TRPC4: variants seen among roughly 807,000 people sequenced by gnomAD.
TRPC4 encodes the protein transient receptor potential cation channel subfamily C member 4.
A neutral mutation model predicts 99.4 loss-of-function variants in TRPC4; 49 were observed. The observed-to-expected ratio is 0.49, with a 90% CI of 0.39 to 0.63. TRPC4 has a LOEUF of 0.63. TRPC4 is among the 20% of genes least tolerant of loss of function. The pLI, the probability that TRPC4 is intolerant of heterozygous loss-of-function variation, is 0.00. For missense variants in TRPC4, 898 were observed against 1,152.9 expected, an observed-to-expected ratio of 0.78 and a Z score of 3.20; for synonymous variants, 454 against 425.9, an observed-to-expected ratio of 1.07 and a Z score of -0.81.
chr13:37,696,339 A>T (rs973787261), intron 3 of TRPC4, among the ~76,000 whole-genome samples: 1 of 152,162 alleles, frequency 6.6e-6, no homozygotes, highest in Non-Finnish European at 1.5e-5. Context: ...CATATCAACT[A>T]TCTAGAAAAG....
chr13:37,823,969 C>T (rs1958114469), intron 1 of TRPC4, among the ~76,000 whole-genome samples: 1 of 142,652 alleles, frequency 7.0e-6, no homozygotes, highest in African/African-American at 2.6e-5. Flanking sequence ...TTGTAGTTCT[C>T]CTTGAAGAGG....
At chr13:37,810,664 GA>G (rs1235095547) in intron 1 of TRPC4, among the ~76,000 whole-genome samples, 1 of 151,986 alleles carries the variant, frequency 6.6e-6, no homozygotes, top group Non-Finnish European at 1.5e-5. Flanking sequence ...GACAACAATT[GA>G]AAATTAAAAT....
At chr13:37,740,586 TGTAA>T (rs1443260367) in intron 3 of TRPC4, among the ~76,000 whole-genome samples, 1 of 152,150 alleles carries the variant, frequency 6.6e-6, no homozygotes, top group Non-Finnish European at 1.5e-5. Flanking sequence ...TGCTATGCAC[TGTAA>T]CTCTCACCCG....
At chr13:37,788,080 C>G (rs565488044) in intron 1 of TRPC4, among the ~76,000 whole-genome samples, 2 of 152,128 alleles carry the variant, frequency 1.3e-5, no homozygotes, top group South Asian at 4.1e-4. Flanking sequence ...TGAAACTCCA[C>G]CCTGAGAGTT....
At chr13:37,674,192 A>G in intron 5 of TRPC4, 36 bp downstream of exon 5, 15 of 1,537,852 alleles carry the variant, frequency 9.8e-6, no homozygotes, top group Non-Finnish European at 1.3e-5. Context: ...TAATAATCAG[A>G]ACATATGCTT....
At chr13:37,835,455 A>G (rs961601271) in intron 1 of TRPC4, among the ~76,000 whole-genome samples, 2 of 152,176 alleles carry the variant, frequency 1.3e-5, no homozygotes, top group African/African-American at 2.4e-5. Context: ...TTGCTCTTGC[A>G]TCTTTATGAT....
intron 1 of TRPC4, among the ~76,000 whole-genome samples, chr13:37,812,197 C>CAAAAAAAAAAAAAAAAAAAAA (rs1156963631): frequency 5.9e-4 from 66 of 111,182 alleles, no homozygotes; most frequent in East Asian, 4.5e-3. Context: ...AAAAAAAAAC[C>CAAAAAAAAAAAAAAAAAAAAA]AGGAGATCTA....
chr13:37,764,475 T>TTCC (rs55927073), intron 2 of TRPC4, among the ~76,000 whole-genome samples: 3 of 151,202 alleles, frequency 2.0e-5, no homozygotes, highest in Admixed American at 1.3e-4. Flanking sequence ...TTACAATAAT[T>TTCC]TGTAGATGAT....
chr13:37,816,985 C>A, intron 1 of TRPC4, among the ~76,000 whole-genome samples: 1 of 152,018 alleles, frequency 6.6e-6, no homozygotes, highest in Admixed American at 6.6e-5. Flanking sequence ...CTTCTCTCAC[C>A]ACTCTTATTC....
chr13:37,722,458 A>C (rs1954903772), intron 3 of TRPC4, among the ~76,000 whole-genome samples: 1 of 152,226 alleles, frequency 6.6e-6, no homozygotes, highest in African/African-American at 2.4e-5. Context: ...ACTGGTAAAC[A>C]TCCCTTATGA....
chr13:37,848,888 C>T (rs572654657), intron 1 of TRPC4, among the ~76,000 whole-genome samples: 1 of 152,186 alleles, frequency 6.6e-6, no homozygotes, highest in Admixed American at 6.5e-5. Context: ...ATGAGGTGAT[C>T]TTTTGGGGCT....
At chr13:37,698,895 G>T (rs1267675740) in intron 3 of TRPC4, among the ~76,000 whole-genome samples, 2 of 152,092 alleles carry the variant, frequency 1.3e-5, no homozygotes, top group African/African-American at 4.8e-5. Flanking sequence ...AAAAAAGGAA[G>T]AAAATACCTA....
chr13:37,841,633 C>T (rs1056060442), intron 1 of TRPC4, among the ~76,000 whole-genome samples: 4 of 151,508 alleles, frequency 2.6e-5, no homozygotes, highest in Admixed American at 6.6e-5. Flanking sequence ...CAAATAAGCA[C>T]ATGAAAAGAT....
chr13:37,821,848 CTG>C (rs993326080), intron 1 of TRPC4, among the ~76,000 whole-genome samples: 13 of 152,236 alleles, frequency 8.5e-5, no homozygotes, highest in African/African-American at 1.4e-4. Flanking sequence ...AAACCCAAAA[CTG>C]TAAAAATCCT....
intron 3 of TRPC4, among the ~76,000 whole-genome samples, chr13:37,713,076 G>GT (rs1343491330): frequency 6.6e-6 from 1 of 152,092 alleles, no homozygotes; most frequent in Non-Finnish European, 1.5e-5. Flanking sequence ...TCAACCTTTT[G>GT]TTTTTTCAAC....
rs1210059174 is a variant in TRPC4 at position 37,783,002 on chromosome 13, G to A, written c.332C>T (p.Ala111Val). The change falls in exon 2 of 11, where the codon GCT becomes GTT. Residue 111 changes from alanine (A) to valine (V), a missense_variant. Physicochemically the swap from Ala to Val is moderately conservative, Grantham distance 64. Transcript: ENST00000379705. ...TTTGTGGTTCAATAACAGCTCAACA[G>A]CTCCGACGACTTCTTTTCTGATAGC... Reference protein sequence around the residue: ...LHAIRKEVVGAVELLLNHKKP... With the variant: ...LHAIRKEVVGVVELLLNHKKP... The A allele has an allele frequency of 6.2e-7, 1 of 1,604,952 alleles. No individual in the cohort carries two copies. Among genetic ancestry groups the A allele is most frequent in the Non-Finnish European group, 8.5e-7 (1 of 1,175,616 alleles).
Position 37,763,633 on chromosome 13 carries a change from C to T in TRPC4, c.379-17178G>A, listed in dbSNP as rs371961258. On this transcript the variant is annotated intron_variant, in intron 2 of 10. Coordinates refer to ENST00000379705, the MANE Select transcript of TRPC4 (RefSeq NM_016179.4). Reference sequence around the variant, plus strand: ...CCCTCTCTGGCCACCTGAGTACAAGCATACAATAGGCAGAGATTGGACTAA... The same window carrying T: ...CCCTCTCTGGCCACCTGAGTACAAGTATACAATAGGCAGAGATTGGACTAA... Among the ~76,000 whole-genome samples, 27 of 151,654 alleles carry T rather than the reference C, an allele frequency of 1.8e-4. No homozygotes were observed. The East Asian group carries it at 4.7e-3, about 26-fold the overall frequency.
At chr13:37,854,519 T>G (rs955791817) in intron 1 of TRPC4, among the ~76,000 whole-genome samples, 1 of 151,978 alleles carries the variant, frequency 6.6e-6, no homozygotes, top group African/African-American at 2.4e-5. Flanking sequence ...AAGCACACAG[T>G]AAAACACAGA....
intron 5 of TRPC4, among the ~76,000 whole-genome samples, chr13:37,668,722 A>G (rs1952734698): frequency 6.6e-6 from 1 of 152,218 alleles, no homozygotes. Context: ...CAAGTAATAA[A>G]TAGAAATGAG....
Sources: gnomAD v4.1 joint callset for allele counts (sites outside exome capture counted in the v4.1 genomes callset) on GRCh38, gnomAD v4.1.1 for gene constraint, MANE v1.5 for transcripts, NCBI Gene and HGNC (gene_info 2026-07-23, HGNC 2026-07-21) for gene names.